Variants in NELFB observed in about 807,000 individuals in gnomAD.
NELFB encodes the protein negative elongation factor complex member B.
In NELFB, 34 loss-of-function variants were observed where a neutral mutation model predicts 60.2. The observed-to-expected ratio is 0.56, with a 90% CI of 0.43 to 0.75. The LOEUF is 0.75. NELFB is among the 30% of genes least tolerant of loss of function. The pLI, the probability that NELFB is intolerant of heterozygous loss-of-function variation, is 0.00. For synonymous variants in NELFB, 459 were observed against 382.1 expected (o/e 1.20, Z -2.35); for missense variants, 770 against 831.6 (o/e 0.93, Z 0.91).
At chr9:137,261,241 G>A (rs147567643) in intron 4 of NELFB, among the ~76,000 whole-genome samples, 2,670 of 151,506 alleles carry the variant, frequency 0.018, 80 homozygotes, top group East Asian at 0.14. Context: ...TCGGGAGGCC[G>A]AGGCAGGAGA....
chr9:137,256,720 G>A lies in NELFB; in HGVS notation c.511-104G>A, dbSNP rs995231409. 6.6e-6 allele frequency: 7 copies of A among 1,064,838 alleles called. No homozygotes were observed. In the African/African-American group the frequency reaches 9.5e-5, roughly 14 times the overall value. The allele number at this position is 1,064,838 out of a possible 1,614,324, so 66.0% of individuals were successfully genotyped here. A position where few individuals can be genotyped will look rare whatever the true frequency, so the allele number is the denominator to read the frequency against. On this transcript the variant is annotated intron_variant, in intron 3 of 12. Transcript: ENST00000343053. ...AGTCATAGGTGCCCTGTGGGGTGGA[G>A]CTTAGCTCGAGGTGGTCTCTGCGGG...
intron 5 of NELFB, 115 bp from the exon 6 acceptor site, chr9:137,264,130 C>T (rs1830490107): frequency 2.7e-6 from 2 of 738,114 alleles, no homozygotes; most frequent in African/African-American, 3.5e-5. Flanking sequence ...TGCTGCCGCC[C>T]CCCGCAGCAG....
At position 137,272,388 on chromosome 9, in the gene NELFB, G is replaced by A. The variant is rs1477569471; in HGVS notation, c.1632-119G>A. On this transcript the variant is annotated intron_variant, in intron 11 of 12. Coordinates refer to ENST00000343053, the MANE Select transcript of NELFB (RefSeq NM_015456.5). ...TGCAGGGTGCCTGGGCACAGCTGGG[G>A]AGGGTCCCAAAGGCTGGCCATGTCC... 3 of 1,450,528 alleles carry A rather than the reference G, an allele frequency of 2.1e-6. No individual in the cohort carries two copies. In the African/African-American group the frequency reaches 4.2e-5, roughly 20 times the overall value. 89.9% of individuals were successfully genotyped at this position (1,450,528 alleles called of 1,614,324 possible).
chr9:137,270,909 ACT>A (rs1830576702), intron 10 of NELFB, among the ~76,000 whole-genome samples: 1 of 152,006 alleles, frequency 6.6e-6, no homozygotes, highest in African/African-American at 2.4e-5. Context: ...ACAGAGTGAG[ACT>A]CTTCTCAAAA....
chr9:137,272,608 C>T lies in NELFB; in HGVS notation c.1733C>T (p.Thr578Ile), dbSNP rs967392007. 6.9e-5 allele frequency: 111 copies of T among 1,597,770 alleles called. No individual in the cohort carries two copies. Among genetic ancestry groups the T allele is most frequent in the Non-Finnish European group, 8.2e-5 (96 of 1,172,872 alleles). The change falls in exon 12 of 13, where the codon ACA becomes ATA. Residue 578 changes from threonine to isoleucine, a missense_variant. By Grantham distance (89) the Thr-to-Ile change is moderately conservative. Coordinates refer to ENST00000343053, the MANE Select transcript of NELFB (RefSeq NM_015456.5). ...GCGTTGCAGAAGGCCCTGGAGCCTA[C>T]AGGCCAGGTGGGTGCCCGGGGGGGC...
intron 10 of NELFB, 128 bp downstream of exon 10, chr9:137,267,474 C>T (rs1830535660): frequency 3.0e-6 from 2 of 659,064 alleles, no homozygotes; most frequent in Middle Eastern, 4.3e-4. Context: ...TCCAACTTTG[C>T]TAGCTTTGTT....
intron 1 of NELFB, 56 bp downstream of exon 1, chr9:137,255,667 G>T (rs2131471657): frequency 2.0e-6 from 3 of 1,505,802 alleles, no homozygotes; most frequent in South Asian, 1.2e-5. Flanking sequence ...CCGCCTGCTC[G>T]GGAGTCGGGC....
In NELFB at chr9:137,264,238, C is replaced by T. The variant is rs986270956; in HGVS notation, c.928-7C>T. ...GGGCTGGTCCCGACCGTGCTTCCTCCTTGCAGTTCACCTGGTGCCTGGACG... is the reference window on the plus strand; with the variant it reads ...GGGCTGGTCCCGACCGTGCTTCCTCTTTGCAGTTCACCTGGTGCCTGGACG... On this transcript the variant is annotated splice_region_variant and splice_polypyrimidine_tract_variant and intron_variant, in intron 5 of 12. Coordinates refer to ENST00000343053, the MANE Select transcript of NELFB (RefSeq NM_015456.5). 6.3e-7 allele frequency: 1 copy of T among 1,576,830 alleles called. No individual in the cohort carries two copies.
chr9:137,271,984 C>A lies in NELFB; in HGVS notation c.1490-97C>A, dbSNP rs191664868. On this transcript the variant is annotated intron_variant, in intron 10 of 12. Coordinates refer to ENST00000343053, the MANE Select transcript of NELFB (RefSeq NM_015456.5). ...GAACAACTGAGAACTCTCATGTGAG[C>A]ACCCCCAGAAGTAGGTTCTGAGGTC... 349 of 1,476,950 alleles carry A rather than the reference C, an allele frequency of 2.4e-4. 1 individual carries two copies. The East Asian group carries it at 3.9e-3, about 16-fold the overall frequency. 91.5% of individuals were successfully genotyped at this position (1,476,950 alleles called of 1,614,324 possible).
intron 12 of NELFB, 34 bp downstream of exon 12, chr9:137,272,649 C>T (rs986354987): frequency 5.1e-6 from 8 of 1,555,166 alleles, no homozygotes; most frequent in Non-Finnish European, 6.1e-6. Flanking sequence ...CTGAAGGCAC[C>T]TGGTCCCTAC....
At position 137,265,980 on chromosome 9, in the gene NELFB, G is replaced by T; in HGVS notation, c.1143+1G>T. 6.2e-7 allele frequency: 1 copy of T among 1,607,230 alleles called. No individual in the cohort carries two copies. On this transcript the variant is annotated splice_donor_variant, in intron 7 of 12. Coordinates refer to ENST00000343053, the MANE Select transcript of NELFB (RefSeq NM_015456.5). LOFTEE classifies it high-confidence loss of function. ...GGTCGGCCAGGAGACACTGCCCAGG[G>T]TGAGTGTGGGCTTGGCCAGCAGCTG...
At chr9:137,264,172 C>A in intron 5 of NELFB, 73 bp from the exon 6 acceptor site, 1 of 1,150,992 alleles carries the variant, frequency 8.7e-7, no homozygotes, top group Non-Finnish European at 1.3e-6. Context: ...GGGCCTGGAG[C>A]TGTGTTTGGG....
chr9:137,269,176 G>A lies in NELFB; in HGVS notation c.1489+1830G>A, dbSNP rs1433003472. On this transcript the variant is annotated intron_variant, in intron 10 of 12. Coordinates refer to ENST00000343053, the MANE Select transcript of NELFB (RefSeq NM_015456.5). The surrounding 1 kb of genome is among the most constrained non-coding windows in gnomAD (Gnocchi z 5.3). Reference sequence around the variant, plus strand: ...TTTTCCAGCTTTCTTTGTGGAGGAAGTTACCTGTGGGTATTAACCTGTCCC... The same window carrying A: ...TTTTCCAGCTTTCTTTGTGGAGGAAATTACCTGTGGGTATTAACCTGTCCC... Among the ~76,000 whole-genome samples, 1 of 152,164 alleles carries A rather than the reference G, an allele frequency of 6.6e-6. No homozygotes were observed. Among genetic ancestry groups the A allele is most frequent in the African/African-American group, 2.4e-5 (1 of 41,434 alleles).
intron 10 of NELFB, among the ~76,000 whole-genome samples, chr9:137,271,196 T>G (rs1023903669): frequency 2.0e-5 from 3 of 152,244 alleles, no homozygotes; most frequent in Admixed American, 2.0e-4. Context: ...CTGCCACGTG[T>G]CCCGTGGCCA....
chr9:137,271,675 T>A (rs1830585842), intron 10 of NELFB, among the ~76,000 whole-genome samples: 1 of 152,244 alleles, frequency 6.6e-6, no homozygotes, highest in Admixed American at 6.5e-5. Flanking sequence ...CGGCCCTGTA[T>A]TTGTTAGGCT....
At chr9:137,255,742 G>A in intron 1 of NELFB, 131 bp downstream of exon 1, 1 of 1,431,128 alleles carries the variant, frequency 7.0e-7, no homozygotes, top group Non-Finnish European at 9.5e-7. Flanking sequence ...TGGGGGTGGA[G>A]TCCGGAGCCA....
At chr9:137,266,470 T>C (rs1564444661) in intron 8 of NELFB, 44 bp downstream of exon 8, 1 of 1,562,932 alleles carries the variant, frequency 6.4e-7, no homozygotes. Context: ...TACGAGGGGT[T>C]GTGGGCTGGA....
chr9:137,263,477 T>A (rs1459538175), intron 5 of NELFB, among the ~76,000 whole-genome samples: 3 of 58,162 alleles, frequency 5.2e-5, no homozygotes, highest in South Asian at 7.4e-4. Context: ...TCCTTCCCCC[T>A]CTGCCCCTCC....
Position 137,266,563 on chromosome 9 carries a change from T to C in NELFB, c.1239+137T>C, listed in dbSNP as rs564708090. On this transcript the variant is annotated intron_variant, in intron 8 of 12. Transcript: ENST00000343053. ...AGCTTCCTTCCTGGAGCTGCCCACC[T>C]TCCTTTTGGGAAAATGCCCACCAGG... 3.9e-6 allele frequency: 3 copies of C among 776,824 alleles called. No individual in the cohort carries two copies. The South Asian group carries it at 5.5e-5, about 14-fold the overall frequency. The allele number at this position is 776,824 out of a possible 1,614,324, so 48.1% of individuals were successfully genotyped here. A position where few individuals can be genotyped will look rare whatever the true frequency, so the allele number is the denominator to read the frequency against.
Sources: gnomAD v4.1 joint callset for allele counts (sites outside exome capture counted in the v4.1 genomes callset) on GRCh38, gnomAD v4.1.1 for gene constraint, Gnocchi (gnomAD v3.1) non-coding constraint, MANE v1.5 for transcripts, NCBI Gene and HGNC (gene_info 2026-07-23, HGNC 2026-07-21) for gene names.